The following FAM131B variants were observed in gnomAD, a reference collection of about 807,000 sequenced individuals.
The protein encoded by FAM131B is protein FAM131B.
Under a neutral mutation model 42.0 loss-of-function variants are expected in FAM131B, and 19 were observed. The observed-to-expected ratio is 0.45, with a 90% CI of 0.32 to 0.66. The LOEUF is 0.66. Among genes scored for constraint, FAM131B ranks in the 30% least tolerant of loss-of-function variants. The pLI is 0.05. For missense variants in FAM131B, 370 were observed against 468.4 expected (o/e 0.79, Z 1.94); for synonymous variants, 183 against 177.6 (o/e 1.03, Z -0.24).
the FAM131B span, chr7:143,381,462 C>T: frequency 7.7e-7 from 1 of 1,304,186 alleles, no homozygotes; most frequent in Non-Finnish European, 9.8e-7. Flanking sequence ...CGCGGGGCGC[C>T]GGGAGGGGGC....
Position 143,359,487 on chromosome 7 carries a change from A to G in FAM131B, c.175-68T>C. 1 of 1,251,158 alleles carries G rather than the reference A, an allele frequency of 8.0e-7. No individual in the cohort carries two copies. Among genetic ancestry groups the G allele is most frequent in the Non-Finnish European group, 1.2e-6 (1 of 860,244 alleles). The allele number at this position is 1,251,158 out of a possible 1,614,324, so 77.5% of individuals were successfully genotyped here. A position where few individuals can be genotyped will look rare whatever the true frequency, so the allele number is the denominator to read the frequency against. On this transcript the variant is annotated intron_variant, in intron 3 of 6. Transcript: ENST00000443739. This position sits in a 1 kb window ranked among gnomAD's most constrained non-coding sequence, Gnocchi z 5.4. ...TACGGGCGTGCTTTATACATGGAGG[A>G]GGTTCATGGTTTCCAGGAAAAAGCA...
the FAM131B span, among the ~76,000 whole-genome samples, chr7:143,369,747 G>GA: frequency 1.2e-4 from 18 of 148,938 alleles, no homozygotes; most frequent in Admixed American, 2.7e-4. Context: ...AAAATTAAAA[G>GA]AAAAAAAAAG....
At chr7:143,367,781 C>G in the FAM131B span, among the ~76,000 whole-genome samples, 1 of 152,168 alleles carries the variant, frequency 6.6e-6, no homozygotes, top group East Asian at 1.9e-4. Flanking sequence ...AGTCCCCAGG[C>G]GCACACCTCC....
chr7:143,371,477 G>C, the FAM131B span, among the ~76,000 whole-genome samples: 1 of 151,890 alleles, frequency 6.6e-6, no homozygotes, highest in Admixed American at 6.6e-5. Flanking sequence ...AGCCAGGCCT[G>C]GTGGCACATG....
chr7:143,379,534 A>C, the FAM131B span, among the ~76,000 whole-genome samples: 2 of 152,208 alleles, frequency 1.3e-5, no homozygotes, highest in Non-Finnish European at 2.9e-5. Flanking sequence ...ATAAGGTTGA[A>C]GGAAAGAGAG....
chr7:143,373,258 C>T, the FAM131B span, among the ~76,000 whole-genome samples: 1 of 151,916 alleles, frequency 6.6e-6, no homozygotes, highest in Admixed American at 6.6e-5. Flanking sequence ...TGGTGCGCAC[C>T]TGTAATCCCA....
the FAM131B span, chr7:143,380,403 A>G: frequency 1.0e-6 from 1 of 985,014 alleles, no homozygotes; most frequent in Non-Finnish European, 1.2e-6. This position sits in a 1 kb window ranked among gnomAD's most constrained non-coding sequence, Gnocchi z 5.0. Flanking sequence ...CACCAAGCGC[A>G]GTCTCAGAAT....
At chr7:143,371,712 G>A in the FAM131B span, among the ~76,000 whole-genome samples, 5 of 152,130 alleles carry the variant, frequency 3.3e-5, no homozygotes, top group Non-Finnish European at 5.9e-5. Flanking sequence ...GATGGTCATG[G>A]GAGGCCTCAC....
At position 143,358,091 on chromosome 7, in the gene FAM131B, G is replaced by A. The variant is rs1803764206; in HGVS notation, c.467-668C>T. Among the ~76,000 whole-genome samples the A allele has an allele frequency of 6.6e-6, 1 of 152,112 alleles. No homozygotes were observed. Among genetic ancestry groups the A allele is most frequent in the Admixed American group, 6.5e-5 (1 of 15,268 alleles). On this transcript the variant is annotated intron_variant, in intron 5 of 6. Transcript: ENST00000443739. This position sits in a 1 kb window ranked among gnomAD's most constrained non-coding sequence, Gnocchi z 4.7. ...AAACTGAAATTCAAGGGATTGGAAG[G>A]AAAAGGGGATGGGTAGACCTGGGGA...
intron 1 of FAM131B, 23 bp from the exon 2 acceptor site, chr7:143,360,172 C>T (rs746539762): frequency 9.8e-5 from 155 of 1,584,652 alleles, no homozygotes; most frequent in Admixed American, 2.6e-4. Flanking sequence ...GAAGGTTAGC[C>T]GCCGGCCCTC....
At chr7:143,380,116 A>G in the FAM131B span, 1 of 985,368 alleles carries the variant, frequency 1.0e-6, no homozygotes, top group Non-Finnish European at 1.2e-6. This position sits in a 1 kb window ranked among gnomAD's most constrained non-coding sequence, Gnocchi z 5.0. Context: ...AAAGCTGACA[A>G]GAGGAGAGAA....
upstream of FAM131B, among the ~76,000 whole-genome samples, chr7:143,362,958 C>G (rs1307002487): frequency 6.6e-6 from 1 of 151,926 alleles, no homozygotes; most frequent in Non-Finnish European, 1.5e-5. This position sits in a 1 kb window ranked among gnomAD's most constrained non-coding sequence, Gnocchi z 7.7. Context: ...CGTGCCAAGC[C>G]CCGCTCCCGG....
At chr7:143,370,237 C>T in the FAM131B span, among the ~76,000 whole-genome samples, 4 of 152,168 alleles carry the variant, frequency 2.6e-5, no homozygotes, top group African/African-American at 9.7e-5. Flanking sequence ...GTTTCTCTCA[C>T]AGCCAAAATT....
Position 143,359,287 on chromosome 7 carries a change from T to A in FAM131B, c.268+39A>T, listed in dbSNP as rs1354783041. 3 of 1,490,540 alleles carry A rather than the reference T, an allele frequency of 2.0e-6. No individual in the cohort carries two copies. The Admixed American group carries it at 5.2e-5, about 26-fold the overall frequency. The allele number at this position is 1,490,540 out of a possible 1,614,324, so 92.3% of individuals were successfully genotyped here. A position where few individuals can be genotyped will look rare whatever the true frequency, so the allele number is the denominator to read the frequency against. On this transcript the variant is annotated intron_variant, in intron 4 of 6. Coordinates refer to ENST00000443739, the MANE Select transcript of FAM131B (RefSeq NM_001031690.3). This position sits in a 1 kb window ranked among gnomAD's most constrained non-coding sequence, Gnocchi z 5.4. ...GACTGAGCCAAGGAGTCTGTCAGCATTATTTTGTCTGAAGGCATTCTTACA... is the reference window on the plus strand; with the variant it reads ...GACTGAGCCAAGGAGTCTGTCAGCAATATTTTGTCTGAAGGCATTCTTACA...
chr7:143,360,381 GTTGT>G, intron 1 of FAM131B: 1 of 1,387,442 alleles, frequency 7.2e-7, no homozygotes, highest in East Asian at 2.8e-5. Context: ...CTTATTTGTT[GTTGT>G]TTATGTGGAG....
At chr7:143,375,480 G>C in the FAM131B span, among the ~76,000 whole-genome samples, 1 of 152,182 alleles carries the variant, frequency 6.6e-6, no homozygotes, top group Non-Finnish European at 1.5e-5. Flanking sequence ...GGCTACATGG[G>C]TCACATCTCT....
In FAM131B at chr7:143,359,175, T is replaced by C. The variant is rs558379085; in HGVS notation, c.268+151A>G. ...TCCATAGATGGGGTAGTGGAGGGAA[T>C]GGCCTGGAGGATGGGAGGCTTGACA... On this transcript the variant is annotated intron_variant, in intron 4 of 6. Coordinates refer to ENST00000443739, the MANE Select transcript of FAM131B (RefSeq NM_001031690.3). The surrounding 1 kb of genome is among the most constrained non-coding windows in gnomAD (Gnocchi z 5.4). The C allele has an allele frequency of 8.5e-5, 87 of 1,021,226 alleles. 2 individuals carry two copies. The South Asian group carries it at 1.2e-3, about 14-fold the overall frequency. The allele number at this position is 1,021,226 out of a possible 1,614,324, so 63.3% of individuals were successfully genotyped here.
the FAM131B span, among the ~76,000 whole-genome samples, chr7:143,377,212 C>T: frequency 2.1e-4 from 32 of 152,352 alleles, no homozygotes; most frequent in East Asian, 5.8e-3. Context: ...CCCACCTCAG[C>T]CTCCCAAGGT....
At chr7:143,382,139 TG>T in the FAM131B span, 2 of 956,330 alleles carry the variant, frequency 2.1e-6, no homozygotes, top group Non-Finnish European at 3.1e-6. Flanking sequence ...CCACACGCTC[TG>T]GGACCCCTGA....
Sources: allele counts gnomAD v4.1 joint callset (sites outside exome capture counted in the v4.1 genomes callset), GRCh38; gene constraint gnomAD v4.1.1; non-coding constraint Gnocchi (gnomAD v3.1); transcripts MANE v1.5; gene names NCBI Gene and HGNC (gene_info 2026-07-23, HGNC 2026-07-21).